ZBED3: variants seen among roughly 807,000 people sequenced by gnomAD.
ZBED3 encodes the protein zinc finger BED-type containing 3.
For synonymous variants in ZBED3, 175 were observed against 180.0 expected (o/e 0.97, Z 0.22); for missense variants, 388 against 362.9 (o/e 1.07, Z -0.56).
intron 1 of ZBED3, among the ~76,000 whole-genome samples, chr5:77,084,309 G>T (rs1418010688): frequency 6.6e-6 from 1 of 152,210 alleles, no homozygotes; most frequent in African/African-American, 2.4e-5. Context: ...GATGGAACTG[G>T]TGAGAGATAA....
chr5:77,079,992 C>T (rs1044572342), intron 1 of ZBED3, among the ~76,000 whole-genome samples: 2 of 151,826 alleles, frequency 1.3e-5, no homozygotes, highest in South Asian at 2.1e-4. Context: ...TCTGATCTTT[C>T]CTGAGGTCCT....
Position 77,077,196 on chromosome 5 carries a change from A to G in ZBED3, c.683T>C (p.Val228Ala). The G allele has an allele frequency of 6.7e-7, 1 of 1,500,658 alleles. No homozygotes were observed. Among genetic ancestry groups the G allele is most frequent in the South Asian group, 1.2e-5 (1 of 80,170 alleles). The allele number at this position is 1,500,658 out of a possible 1,614,324, so 93.0% of individuals were successfully genotyped here. ...DDPEGDRDGC[V>A]ITKVLL ...CCCCTACAGGAGGACCTTTGTGATGACGCAGCCGTCCCTGTCACCCTCGGG... is the reference window on the plus strand; with the variant it reads ...CCCCTACAGGAGGACCTTTGTGATGGCGCAGCCGTCCCTGTCACCCTCGGG... Residue 228 changes from valine to alanine, a missense_variant, in exon 3 of 3, where the codon GTC (valine) becomes GCC (alanine). Physicochemically the swap from Val to Ala is moderately conservative, Grantham distance 64. Transcript: ENST00000255198.
rs541609974 is a variant in ZBED3, at chr5:77,074,785, G to A, written c.*2389C>T. The A allele has an allele frequency of 6.6e-6, 1 of 152,374 alleles. No individual in the cohort carries two copies. Among genetic ancestry groups the A allele is most frequent in the East Asian group, 1.9e-4 (1 of 5,176 alleles). 9.4% of individuals were successfully genotyped at this position (152,374 alleles called of 1,614,324 possible). On this transcript the variant is annotated 3_prime_UTR_variant, in exon 3 of 3. Transcript: ENST00000255198. ...CAGTGGGAGCATGGCATCTGTGGGG[G>A]AGACTGTCTGCAGTGGGATCCCACC...
chr5:77,080,761 G>C (rs1743112353), intron 1 of ZBED3, among the ~76,000 whole-genome samples: 1 of 152,222 alleles, frequency 6.6e-6, no homozygotes, highest in South Asian at 2.1e-4. Context: ...GACACAGGGT[G>C]GGGAACATCA....
intron 1 of ZBED3, among the ~76,000 whole-genome samples, chr5:77,083,005 T>C (rs7734723): frequency 0.85 from 128,232 of 151,470 alleles, 54,439 homozygotes; most frequent in African/African-American, 0.9. Flanking sequence ...GGCGTGGTGG[T>C]GGGTGCCTGT....
Position 77,078,034 on chromosome 5 carries a change from T to G in ZBED3, c.-17-139A>C, listed in dbSNP as rs567179417. 4 of 580,044 alleles carry G rather than the reference T, an allele frequency of 6.9e-6. No homozygotes were observed. In the South Asian group the frequency reaches 3.9e-4, roughly 56 times the overall value. The allele number at this position is 580,044 out of a possible 1,614,324, so 35.9% of individuals were successfully genotyped here. A position where few individuals can be genotyped will look rare whatever the true frequency, so the allele number is the denominator to read the frequency against. On this transcript the variant is annotated intron_variant, in intron 2 of 2. Transcript: ENST00000255198. The stretch of plus-strand genomic sequence containing the variant: ...ATAGTGTGTGTAGATAGTCTAAGTT[T>G]CTTTCTAATTAATCTTCAGTATTAA...
intron 1 of ZBED3, among the ~76,000 whole-genome samples, chr5:77,085,698 A>G (rs942317553): frequency 6.6e-6 from 1 of 152,262 alleles, no homozygotes; most frequent in Admixed American, 6.5e-5. Context: ...AGAAAACCAC[A>G]GTTCATCTGT....
chr5:77,082,812 T>A, intron 1 of ZBED3, among the ~76,000 whole-genome samples: 1 of 152,144 alleles, frequency 6.6e-6, no homozygotes. Flanking sequence ...TATCACAGGA[T>A]CTCTACATAA....
Position 77,077,252 on chromosome 5 carries a change from G to GGCCCAGCCCAGGGC in ZBED3, c.613_626dup (p.Ala211TrpfsTer73), listed in dbSNP as rs1359314199. On this transcript the variant is annotated frameshift_variant, in exon 3 of 3. Transcript: ENST00000255198. LOFTEE classifies it low-confidence loss of function (END_TRUNC). The stretch of plus-strand genomic sequence containing the variant: ...CCTTGAGCGGCGGCGGCGCAGCGGG[G>GGCCCAGCCCAGGGC]GCCCAGCCCAGGGCGCCCTCACGGC... 2.7e-6 allele frequency: 4 copies of GGCCCAGCCCAGGGC among 1,464,616 alleles called. No homozygotes were observed. Among genetic ancestry groups the GGCCCAGCCCAGGGC allele is most frequent in the South Asian group, 2.6e-5 (2 of 76,376 alleles). 90.7% of individuals were successfully genotyped at this position (1,464,616 alleles called of 1,614,324 possible).
At position 77,077,233 on chromosome 5, in the gene ZBED3, GCGGCGGCGGC is replaced by G. The variant is rs1743027760; in HGVS notation, c.636_645del (p.Pro213SerfsTer63). 5 of 1,486,800 alleles carry G rather than the reference GCGGCGGCGGC, an allele frequency of 3.4e-6. No homozygotes were observed. The highest frequency in any genetic ancestry group is 4.4e-6 in the Non-Finnish European group (5 of 1,123,664). 92.1% of individuals were successfully genotyped at this position (1,486,800 alleles called of 1,614,324 possible). A position where few individuals can be genotyped will look rare whatever the true frequency, so the allele number is the denominator to read the frequency against. Reference sequence around the variant, plus strand: ...CTGTCACCCTCGGGGTCGTCCTTGAGCGGCGGCGGCGCAGCGGGGGCCCAGCCCAGGGCGC... The same window carrying G: ...CTGTCACCCTCGGGGTCGTCCTTGAGGCAGCGGGGGCCCAGCCCAGGGCGC... On this transcript the variant is annotated frameshift_variant, in exon 3 of 3. Coordinates refer to ENST00000255198, the MANE Select transcript of ZBED3 (RefSeq NM_032367.4). LOFTEE classifies it high-confidence loss of function.
At position 77,075,947 on chromosome 5, in the gene ZBED3, A is replaced by ATG. The variant is rs1219853051; in HGVS notation, c.*1226_*1227insCA. 3.6e-5 allele frequency: 1 copy of ATG among 27,556 alleles called. No individual in the cohort carries two copies. The highest frequency in any genetic ancestry group is 8.2e-5 in the Non-Finnish European group (1 of 12,234). 1.7% of individuals were successfully genotyped at this position (27,556 alleles called of 1,614,324 possible). Reference sequence around the variant, plus strand: ...AGAACTTAAAGTATTATATATACATATATATATATATATATATATGTATAT... The same window carrying ATG: ...AGAACTTAAAGTATTATATATACATATGTATATATATATATATATATGTATAT... On this transcript the variant is annotated 3_prime_UTR_variant, in exon 3 of 3. Transcript: ENST00000255198.
At chr5:77,080,653 G>GT (rs149659097) in intron 1 of ZBED3, 102,373 of 513,480 alleles carry the variant, frequency 0.2, 11,575 homozygotes, top group Non-Finnish European at 0.23. Context: ...GCCACAGGCC[G>GT]TAACAGCCTG....
rs1265930985 is a variant in ZBED3 at position 77,074,528 on chromosome 5, A to G, written c.*2646T>C. The stretch of plus-strand genomic sequence containing the variant: ...CTCCCCTGAACCTGTCTCATCTACA[A>G]AATGGGCATAGTAGCACCTATGTCA... On this transcript the variant is annotated 3_prime_UTR_variant, in exon 3 of 3. Coordinates refer to ENST00000255198, the MANE Select transcript of ZBED3 (RefSeq NM_032367.4). 2.0e-5 allele frequency: 3 copies of G among 152,224 alleles called. No homozygotes were observed. The highest frequency in any genetic ancestry group is 7.2e-5 in the African/African-American group (3 of 41,448). The allele number at this position is 152,224 out of a possible 1,614,324, so 9.4% of individuals were successfully genotyped here.
chr5:77,085,459 T>G (rs1437153230), intron 1 of ZBED3, among the ~76,000 whole-genome samples: 5 of 152,254 alleles, frequency 3.3e-5, no homozygotes, highest in Non-Finnish European at 2.9e-5. Context: ...CTATTTGTCC[T>G]TCTATACTCA....
At chr5:77,081,420 C>T (rs1743128250) in intron 1 of ZBED3, among the ~76,000 whole-genome samples, 1 of 151,184 alleles carries the variant, frequency 6.6e-6, no homozygotes, top group African/African-American at 2.4e-5. Context: ...AATCATGGCT[C>T]ACTGCAACCT....
intron 1 of ZBED3, among the ~76,000 whole-genome samples, chr5:77,084,772 C>T (rs1018534280): frequency 4.6e-5 from 7 of 152,278 alleles, no homozygotes; most frequent in Admixed American, 2.0e-4. Context: ...AGGGCACAAA[C>T]GCATTGTTGT....
rs1743014822 is a variant in ZBED3 at position 77,076,820 on chromosome 5, CA to C, written c.*353del. 1 of 194,748 alleles carries C rather than the reference CA, an allele frequency of 5.1e-6. No homozygotes were observed. Among genetic ancestry groups the C allele is most frequent in the Non-Finnish European group, 1.0e-5 (1 of 96,554 alleles). The allele number at this position is 194,748 out of a possible 1,614,324, so 12.1% of individuals were successfully genotyped here. A position where few individuals can be genotyped will look rare whatever the true frequency, so the allele number is the denominator to read the frequency against. On this transcript the variant is annotated 3_prime_UTR_variant, in exon 3 of 3. Coordinates refer to ENST00000255198, the MANE Select transcript of ZBED3 (RefSeq NM_032367.4). ...TGAAGCTCTATCCTTTCAAAGTCAC[CA>C]GGTTCGGGTTCCCAGCCCTAAGTGG...
At chr5:77,085,476 C>T (rs1743218726) in intron 1 of ZBED3, among the ~76,000 whole-genome samples, 1 of 152,238 alleles carries the variant, frequency 6.6e-6, no homozygotes, top group Non-Finnish European at 1.5e-5. Context: ...CTCAAGGCTA[C>T]TTACTGTAGT....
chr5:77,085,577 CAT>C (rs1175465242), intron 1 of ZBED3, among the ~76,000 whole-genome samples: 4 of 152,222 alleles, frequency 2.6e-5, no homozygotes, highest in African/African-American at 9.7e-5. Flanking sequence ...TTCACACAGA[CAT>C]ATGTGGAAAC....
Sources: gnomAD v4.1 joint callset for allele counts (sites outside exome capture counted in the v4.1 genomes callset) on GRCh38, gnomAD v4.1.1 for gene constraint, MANE v1.5 for transcripts, NCBI Gene and HGNC (gene_info 2026-07-23, HGNC 2026-07-21) for gene names.